The following GSE1 variants were observed in gnomAD, a reference collection of about 807,000 sequenced individuals.
The protein encoded by GSE1 is Gse1 coiled-coil protein.
Under a neutral mutation model 112.6 loss-of-function variants are expected in GSE1, and 32 were observed. That is an observed-to-expected ratio of 0.28 (90% CI 0.21 to 0.38). The LOEUF (loss-of-function observed/expected upper bound fraction) is 0.38, where lower values mean the gene tolerates loss of function less well. GSE1 is among the 10% of genes least tolerant of loss of function. The pLI, the probability that GSE1 is intolerant of heterozygous loss-of-function variation, is 1.00. For missense variants in GSE1, 2,348 were observed against 1,699.2 expected, an observed-to-expected ratio of 1.38 and a Z score of -6.71; for synonymous variants, 1,115 against 735.6, an observed-to-expected ratio of 1.52 and a Z score of -8.35.
intron 1 of GSE1, among the ~76,000 whole-genome samples, chr16:85,343,711 C>T (rs188544966): frequency 2.7e-3 from 412 of 152,276 alleles, no homozygotes; most frequent in African/African-American, 9.1e-3. Context: ...GATTGCACCA[C>T]TGCACTCCAG....
intron 2 of GSE1, among the ~76,000 whole-genome samples, chr16:85,547,408 G>A: frequency 6.6e-6 from 1 of 152,154 alleles, no homozygotes; most frequent in East Asian, 1.9e-4. Flanking sequence ...ACATCCCTCG[G>A]CTTGTGGCCA....
At position 85,460,652 on chromosome 16, in the gene GSE1, C is replaced by T. The variant is rs549943231; in HGVS notation, c.2464+103009C>T. The stretch of plus-strand genomic sequence containing the variant: ...GAGCCGGCAGTGACCTCTCCTTGCC[C>T]GAGCTAATGTCACTTCCAAGACTTG... On this transcript the variant is annotated intron_variant, in intron 2 of 2. Coordinates refer to the GSE1 transcript ENST00000637419. 3.5e-4 allele frequency among the ~76,000 whole-genome samples: 53 copies of T among 152,368 alleles called. No homozygotes were observed. In the South Asian group the frequency reaches 7.2e-3, roughly 21 times the overall value.
chr16:85,429,893 T>C (rs2049079591), intron 2 of GSE1, among the ~76,000 whole-genome samples: 1 of 152,240 alleles, frequency 6.6e-6, no homozygotes. Context: ...TTATTCTCTG[T>C]CTCCTTGCTG....
At chr16:85,231,010 CAGAT>C (rs1159267637) in intron 1 of GSE1, among the ~76,000 whole-genome samples, 4 of 144,800 alleles carry the variant, frequency 2.8e-5, no homozygotes, top group African/African-American at 7.8e-5. Flanking sequence ...GATGGATGGA[CAGAT>C]GGATGATGGA....
intron 2 of GSE1, among the ~76,000 whole-genome samples, chr16:85,464,688 A>C (rs996725494): frequency 1.3e-5 from 2 of 152,144 alleles, no homozygotes. Context: ...TGGTGGTTGG[A>C]TCCTGTGCTG....
intron 2 of GSE1, among the ~76,000 whole-genome samples, chr16:85,480,973 G>A (rs1597896612): frequency 6.6e-6 from 1 of 152,218 alleles, no homozygotes; most frequent in Non-Finnish European, 1.5e-5. Context: ...CCCCCTCCTG[G>A]GACAGCGTGT....
intron 1 of GSE1, among the ~76,000 whole-genome samples, chr16:85,220,583 C>T (rs2075373652): frequency 6.6e-6 from 1 of 152,100 alleles, no homozygotes; most frequent in African/African-American, 2.4e-5. Flanking sequence ...CCCTTTTGAA[C>T]TTCAGCCTCC....
chr16:85,230,934 T>TG (rs1010018630), intron 1 of GSE1, among the ~76,000 whole-genome samples: 4 of 148,610 alleles, frequency 2.7e-5, no homozygotes, highest in Admixed American at 1.3e-4. Flanking sequence ...GATGAATGAA[T>TG]GGATGGACAG....
intron 2 of GSE1, among the ~76,000 whole-genome samples, chr16:85,537,785 A>G (rs1359949902): frequency 8.5e-6 from 1 of 117,282 alleles, no homozygotes; most frequent in Non-Finnish European, 1.9e-5. Flanking sequence ...GAATTCAGAA[A>G]TCAAATGGTA....
chr16:85,441,732 G>C (rs1006977969), intron 2 of GSE1, among the ~76,000 whole-genome samples: 20 of 152,204 alleles, frequency 1.3e-4, no homozygotes, highest in Admixed American at 1.3e-3. Flanking sequence ...AGGAAAGGCT[G>C]TTGTGATAGA....
chr16:85,590,151 C>T (rs1485077170), intron 1 of GSE1, among the ~76,000 whole-genome samples: 2 of 151,706 alleles, frequency 1.3e-5, no homozygotes, highest in East Asian at 1.9e-4. Flanking sequence ...TGATTGTGAG[C>T]GTGTGAGTGA....
intron 1 of GSE1, chr16:85,357,380 C>A: frequency 1.1e-6 from 1 of 897,204 alleles, no homozygotes; most frequent in Non-Finnish European, 1.4e-6. Flanking sequence ...GGAGGAATGG[C>A]ACCTATGGCC....
intron 1 of GSE1, among the ~76,000 whole-genome samples, chr16:85,313,916 CTCTG>C (rs1476053046): frequency 1.3e-5 from 1 of 79,626 alleles, no homozygotes; most frequent in Non-Finnish European, 2.7e-5. Flanking sequence ...TAGTCTGAGC[CTCTG>C]TGTGTGTGTG....
chr16:85,650,435 A>C (rs117663898), intron 3 of GSE1, among the ~76,000 whole-genome samples: 1 of 152,110 alleles, frequency 6.6e-6, no homozygotes, highest in Non-Finnish European at 1.5e-5. Flanking sequence ...AGGAGCTTCT[A>C]CCAGCCAGGA....
intron 1 of GSE1, among the ~76,000 whole-genome samples, chr16:85,586,805 C>T (rs1332208721): frequency 1.3e-5 from 2 of 152,216 alleles, no homozygotes; most frequent in African/African-American, 2.4e-5. Flanking sequence ...TCCGTGCCCC[C>T]AGGCCCCCTG....
intron 1 of GSE1, among the ~76,000 whole-genome samples, chr16:85,283,846 G>C (rs1203332510): frequency 6.6e-6 from 1 of 152,192 alleles, no homozygotes; most frequent in Admixed American, 6.5e-5. Context: ...AAAAGCTGAG[G>C]CTGCACAGCT....
chr16:85,316,161 G>A (rs1476759304), intron 1 of GSE1, among the ~76,000 whole-genome samples: 2 of 152,230 alleles, frequency 1.3e-5, no homozygotes, highest in Admixed American at 1.3e-4. Flanking sequence ...GTGCAGAAGT[G>A]CGACACCAGC....
intron 1 of GSE1, among the ~76,000 whole-genome samples, chr16:85,331,407 ATATATGCGTATATATG>A (rs1597407950): frequency 6.6e-4 from 94 of 141,558 alleles, no homozygotes; most frequent in East Asian, 1.8e-3. Context: ...ATATATGTAT[ATATATGCGTATATATG>A]TATATATGTA....
Position 85,657,490 on chromosome 16 carries a change from A to C in GSE1, c.1526A>C (p.Glu509Ala). 6.2e-7 allele frequency: 1 copy of C among 1,607,120 alleles called. No homozygotes were observed. The highest frequency in any genetic ancestry group is 8.5e-7 in the Non-Finnish European group (1 of 1,177,414). The change falls in exon 8 of 16, where the codon GAG becomes GCG. Residue 509 changes from glutamate (E) to alanine (A), a missense_variant. Transcript: ENST00000253458. ...ARQRRLRQEK[E>A]DRQSQVSEFR... ...CAGCGGCGGCTGCGGCAGGAGAAGG[A>C]GGACCGGCAGTCTCAGGTGTCCGAG...
Sources: gnomAD v4.1 joint callset for allele counts (sites outside exome capture counted in the v4.1 genomes callset) on GRCh38, gnomAD v4.1.1 for gene constraint, MANE v1.5 for transcripts, NCBI Gene and HGNC (gene_info 2026-07-23, HGNC 2026-07-21) for gene names.